The following BRIP1 variants were observed in gnomAD, a reference collection of about 807,000 sequenced individuals.
BRIP1 encodes Fanconi anemia group J protein.
In BRIP1, 88 loss-of-function variants were observed where a neutral mutation model predicts 119.7. The observed-to-expected ratio is 0.74, with a 90% CI of 0.62 to 0.88. The LOEUF is 0.88. Ranked by LOEUF, BRIP1 falls within the 40% of genes least tolerant of loss-of-function variation. BRIP1 has a pLI of 0.00. For synonymous variants in BRIP1, 443 were observed against 496.5 expected (o/e 0.89, Z 1.43); for missense variants, 1,259 against 1,455.4 (o/e 0.87, Z 2.20).
rs1359809807 is a variant in BRIP1 at position 61,686,042 on chromosome 17, G to C, written c.2699C>G (p.Thr900Ser). 1 of 1,613,684 alleles carries C rather than the reference G, an allele frequency of 6.2e-7. No individual in the cohort carries two copies. The highest frequency in any genetic ancestry group is 1.3e-5 in the African/African-American group (1 of 74,912). The stretch of plus-strand genomic sequence containing the variant: ...TGTAGACTCATTGTCCTGTATATTG[G>C]TTCTGTCCTTTATGGATACATTAAG... ...KVLNVSIKDR[T>S]NIQDNESTLE... Residue 900 changes from threonine (T) to serine (S), a missense_variant, in exon 19 of 20, where the codon ACC becomes AGC. By Grantham distance (58) the Thr-to-Ser change is moderately conservative. Coordinates refer to ENST00000259008, the MANE Select transcript of BRIP1 (RefSeq NM_032043.3). This position sits in a 1 kb window ranked among gnomAD's most constrained non-coding sequence, Gnocchi z 5.4.
chr17:61,792,769 A>G (rs898948363), intron 10 of BRIP1, among the ~76,000 whole-genome samples: 2 of 152,178 alleles, frequency 1.3e-5, no homozygotes, highest in Non-Finnish European at 2.9e-5. Flanking sequence ...CCTAGGCAAA[A>G]CCTAATTGAA....
rs2145425372 is a variant in BRIP1, at chr17:61,808,805, A to G, written c.628-48T>C. The G allele has an allele frequency of 1.3e-6, 2 of 1,552,702 alleles. No homozygotes were observed. Among genetic ancestry groups the G allele is most frequent in the Admixed American group, 1.7e-5 (1 of 59,532 alleles). ...TAACTAATATCTAAACTACCATAAA[A>G]AACGTTATCAAACCTCACATGGAAT... On this transcript the variant is annotated intron_variant, in intron 6 of 19. Transcript: ENST00000259008. This position sits in a 1 kb window ranked among gnomAD's most constrained non-coding sequence, Gnocchi z 4.1.
chr17:61,737,660 A>T (rs998089187), intron 16 of BRIP1, among the ~76,000 whole-genome samples: 1 of 152,208 alleles, frequency 6.6e-6, no homozygotes, highest in African/African-American at 2.4e-5. Flanking sequence ...TGATGCTCTG[A>T]CATATTTCAA....
Position 61,751,292 on chromosome 17 carries a change from G to A in BRIP1, c.2098-6701C>T, listed in dbSNP as rs570167963. On this transcript the variant is annotated intron_variant, in intron 14 of 19. Transcript: ENST00000259008. The surrounding 1 kb of genome is among the most constrained non-coding windows in gnomAD (Gnocchi z 6.7). ...TACCTAGAATAGACAAATTCTTAGA[G>A]ATGGGAAGTAGAACAGAGGTTACCA... is the stretch of plus-strand genomic sequence containing the variant. Among the ~76,000 whole-genome samples the A allele has an allele frequency of 1.7e-4, 26 of 152,282 alleles. No individual in the cohort carries two copies. In the South Asian group the frequency reaches 4.6e-3, roughly 27 times the overall value.
chr17:61,731,978 T>C (rs925201053), intron 16 of BRIP1, among the ~76,000 whole-genome samples: 3 of 137,744 alleles, frequency 2.2e-5, no homozygotes, highest in Non-Finnish European at 4.6e-5. Flanking sequence ...TCTTTCTTTC[T>C]TTCTTTTTTT....
rs527979234 is a variant in BRIP1, at chr17:61,700,534, C to T, written c.2493-7022G>A. 5.1e-4 allele frequency among the ~76,000 whole-genome samples: 78 copies of T among 152,204 alleles called. No homozygotes were observed. The highest frequency in any genetic ancestry group is 1.0e-3 in the Non-Finnish European group (70 of 68,000). On this transcript the variant is annotated intron_variant, in intron 17 of 19. Coordinates refer to ENST00000259008, the MANE Select transcript of BRIP1 (RefSeq NM_032043.3). The surrounding 1 kb of genome is among the most constrained non-coding windows in gnomAD (Gnocchi z 4.1). ...ACATGTCAATTAACTGCTTCCTGGT[C>T]TGGAGGATGTTTTGTATATGATGAG...
rs989911136 is a variant in BRIP1 at position 61,686,300 on chromosome 17, G to GT, written c.2576-136dup. The GT allele has an allele frequency of 3.6e-6, 3 of 827,640 alleles. No individual in the cohort carries two copies. The highest frequency in any genetic ancestry group is 5.9e-6 in the Non-Finnish European group (3 of 506,950). 51.3% of individuals were successfully genotyped at this position (827,640 alleles called of 1,614,324 possible). ...GAATATACAGAATGGTTCTCCATAT[G>GT]TTTTTTCTGCAATTCAGCAATTTTA... On this transcript the variant is annotated intron_variant, in intron 18 of 19. Coordinates refer to ENST00000259008, the MANE Select transcript of BRIP1 (RefSeq NM_032043.3). This position sits in a 1 kb window ranked among gnomAD's most constrained non-coding sequence, Gnocchi z 5.4.
chr17:61,826,951 A>G (rs138879584), intron 6 of BRIP1, among the ~76,000 whole-genome samples: 2,684 of 152,290 alleles, frequency 0.018, 83 homozygotes, highest in African/African-American at 0.061. Flanking sequence ...AAATTGTTCT[A>G]TTATAAAGAC....
Position 61,834,243 on chromosome 17 carries a change from AG to A in BRIP1, c.627+12857del, listed in dbSNP as rs1314036443. On this transcript the variant is annotated intron_variant, in intron 6 of 19. Coordinates refer to ENST00000259008, the MANE Select transcript of BRIP1 (RefSeq NM_032043.3). This position sits in a 1 kb window ranked among gnomAD's most constrained non-coding sequence, Gnocchi z 4.4. ...ATCCTAATTTTGTGTGTGGGGAGGG[AG>A]TATATATGTAATATATGTGTAATAT... is the stretch of plus-strand genomic sequence containing the variant. 1.3e-5 allele frequency among the ~76,000 whole-genome samples: 2 copies of A among 152,154 alleles called. No individual in the cohort carries two copies. Among genetic ancestry groups the A allele is most frequent in the East Asian group, 3.8e-4 (2 of 5,198 alleles).
intron 14 of BRIP1, among the ~76,000 whole-genome samples, chr17:61,749,363 A>G (rs1436664970): frequency 6.6e-6 from 1 of 152,100 alleles, no homozygotes; most frequent in African/African-American, 2.4e-5. Flanking sequence ...TGCAAACCAT[A>G]TATCTGATAA....
rs768694243 is a variant in BRIP1, at chr17:61,690,049, G to A, written c.2575+3381C>T. On this transcript the variant is annotated intron_variant, in intron 18 of 19. Coordinates refer to ENST00000259008, the MANE Select transcript of BRIP1 (RefSeq NM_032043.3). This position sits in a 1 kb window ranked among gnomAD's most constrained non-coding sequence, Gnocchi z 5.6. ...TCAGGCGACATCTTGCATGCTGTAA[G>A]GAAGTGGGATGACATGTTTGAAGTG... Among the ~76,000 whole-genome samples the A allele has an allele frequency of 6.6e-6, 1 of 152,160 alleles. No homozygotes were observed. Among genetic ancestry groups the A allele is most frequent in the Non-Finnish European group, 1.5e-5 (1 of 68,024 alleles).
rs72842983 is a variant in BRIP1 at position 61,758,259 on chromosome 17, T to C, written c.2098-13668A>G. On this transcript the variant is annotated intron_variant, in intron 14 of 19. Transcript: ENST00000259008. The surrounding 1 kb of genome is among the most constrained non-coding windows in gnomAD (Gnocchi z 5.3). ...AAACTTATTCACACAAATTCAACTA[T>C]ATGTTTCATTCTTTTCCTGAATAGA... is the stretch of plus-strand genomic sequence containing the variant. Among the ~76,000 whole-genome samples, 4,159 of 152,334 alleles carry C rather than the reference T, an allele frequency of 0.027. 90 individuals carry two copies. Among genetic ancestry groups the C allele is most frequent in the Admixed American group, 0.04 (604 of 15,290 alleles).
chr17:61,776,682 G>T lies in BRIP1; in HGVS notation c.1936-120C>A. The T allele has an allele frequency of 9.1e-7, 1 of 1,102,640 alleles. No homozygotes were observed. The highest frequency in any genetic ancestry group is 1.4e-6 in the Non-Finnish European group (1 of 737,058). 68.3% of individuals were successfully genotyped at this position (1,102,640 alleles called of 1,614,324 possible). On this transcript the variant is annotated intron_variant, in intron 13 of 19. Coordinates refer to ENST00000259008, the MANE Select transcript of BRIP1 (RefSeq NM_032043.3). This position sits in a 1 kb window ranked among gnomAD's most constrained non-coding sequence, Gnocchi z 5.0. Reference sequence around the variant, plus strand: ...AAGTTTAACAATTTATTTTTAAATTGTCAGGGGGTTTTCTATTACCTTCAA... The same window carrying T: ...AAGTTTAACAATTTATTTTTAAATTTTCAGGGGGTTTTCTATTACCTTCAA...
rs1293829668 is a variant in BRIP1 at position 61,845,294 on chromosome 17, G to A, written c.627+1807C>T. On this transcript the variant is annotated intron_variant, in intron 6 of 19. Transcript: ENST00000259008. This position sits in a 1 kb window ranked among gnomAD's most constrained non-coding sequence, Gnocchi z 4.2. ...CTGAAAACAAATCTGTGGTTGCCTG[G>A]GAATGGGGGGACAGGGCAGAAAAAA... Among the ~76,000 whole-genome samples the A allele has an allele frequency of 6.6e-6, 1 of 152,136 alleles. No homozygotes were observed. The highest frequency in any genetic ancestry group is 2.4e-5 in the African/African-American group (1 of 41,426).
rs916937983 is a variant in BRIP1 at position 61,683,855 on chromosome 17, A to G, written c.3191T>C (p.Phe1064Ser). 3.1e-6 allele frequency: 5 copies of G among 1,614,068 alleles called. No homozygotes were observed. The highest frequency in any genetic ancestry group is 4.2e-6 in the Non-Finnish European group (5 of 1,180,044). Residue 1064 changes from phenylalanine to serine, a missense_variant, in exon 20 of 20, where the codon TTT (phenylalanine) becomes TCT (serine). By Grantham distance (155) the Phe-to-Ser change is radical. Around this residue, in one of 3 missense-constraint regions of BRIP1, gnomAD observed 753 missense variants for 891.8 expected, o/e 0.84. Transcript: ENST00000259008. This position sits in a 1 kb window ranked among gnomAD's most constrained non-coding sequence, Gnocchi z 4.7. ...GGTTTCTGATTGAGGGCATGATCCA[A>G]ACGATGTGTTTACTGTCAGATTTGA... is the stretch of plus-strand genomic sequence containing the variant. ...ESSNLTVNTS[F>S]GSCPQSETII... is the part of the protein sequence containing the mutation.
intron 14 of BRIP1, among the ~76,000 whole-genome samples, chr17:61,772,843 A>C (rs952649237): frequency 4.4e-4 from 67 of 150,632 alleles, no homozygotes; most frequent in African/African-American, 1.5e-3. Context: ...AAAAAAAAAA[A>C]CCTAAATTTT....
At position 61,700,784 on chromosome 17, in the gene BRIP1, T is replaced by C. The variant is rs192329006; in HGVS notation, c.2493-7272A>G. Among the ~76,000 whole-genome samples, 29 of 152,300 alleles carry C rather than the reference T, an allele frequency of 1.9e-4. No homozygotes were observed. In the South Asian group the frequency reaches 4.1e-3, roughly 22 times the overall value. On this transcript the variant is annotated intron_variant, in intron 17 of 19. Coordinates refer to ENST00000259008, the MANE Select transcript of BRIP1 (RefSeq NM_032043.3). The surrounding 1 kb of genome is among the most constrained non-coding windows in gnomAD (Gnocchi z 4.1). The stretch of plus-strand genomic sequence containing the variant: ...CCTTCTGGGACTCCAAATATGCATA[T>C]GTTGGTACGCTTGATGAGGTTTTAC...
At position 61,756,798 on chromosome 17, in the gene BRIP1, CT is replaced by C; in HGVS notation, c.2098-12208del. ...TAGAAAGTGCAAATTGCATTAAGAC[CT>C]CTTTGCCCTCATTAGTGGTATTGTT... On this transcript the variant is annotated intron_variant, in intron 14 of 19. Coordinates refer to ENST00000259008, the MANE Select transcript of BRIP1 (RefSeq NM_032043.3). The surrounding 1 kb of genome is among the most constrained non-coding windows in gnomAD (Gnocchi z 4.3). Among the ~76,000 whole-genome samples, 1 of 152,170 alleles carries C rather than the reference CT, an allele frequency of 6.6e-6. No individual in the cohort carries two copies. Among genetic ancestry groups the C allele is most frequent in the East Asian group, 1.9e-4 (1 of 5,202 alleles).
At position 61,784,365 on chromosome 17, in the gene BRIP1, C is replaced by G. The variant is rs1418736430; in HGVS notation, c.1533G>C (p.Glu511Asp). The change falls in exon 11 of 20, where the codon GAG becomes GAC. Residue 511 changes from glutamate to aspartate, a missense_variant. Physicochemically the swap from Glu to Asp is conservative, Grantham distance 45. Around this residue, in one of 3 missense-constraint regions of BRIP1, gnomAD observed 753 missense variants for 891.8 expected, o/e 0.84. Transcript: ENST00000259008. ...EEKISPIYGK[E>D]EAREVPVISA... ...TAATAACAGGTACTTCTCTTGCCTC[C>G]TCTTTACCATAAATTGGTGAGATTT... 6.2e-7 allele frequency: 1 copy of G among 1,613,356 alleles called. No individual in the cohort carries two copies. Among genetic ancestry groups the G allele is most frequent in the South Asian group, 1.1e-5 (1 of 91,044 alleles).
Sources: allele counts gnomAD v4.1 joint callset (sites outside exome capture counted in the v4.1 genomes callset), GRCh38; gene constraint gnomAD v4.1.1; regional missense constraint gnomAD v4.1.1; non-coding constraint Gnocchi (gnomAD v3.1); transcripts MANE v1.5; gene names NCBI Gene and HGNC (gene_info 2026-07-23, HGNC 2026-07-21).